The following ARID2 variants were observed in gnomAD, a reference collection of about 807,000 sequenced individuals.
ARID2 encodes the protein AT-rich interaction domain 2.
A neutral mutation model predicts 184.6 loss-of-function variants in ARID2; 32 were observed. The observed-to-expected ratio is 0.17, with a 90% CI of 0.13 to 0.23. ARID2 has a LOEUF of 0.23. ARID2 is among the 10% of genes least tolerant of loss of function. The probability of loss-of-function intolerance (pLI) is 1.00; values close to 1 mark genes in which losing one functional copy is unlikely to be tolerated. For synonymous variants in ARID2, 836 were observed against 772.6 expected (o/e 1.08, Z -1.36); for missense variants, 1,696 against 2,197.6 (o/e 0.77, Z 4.56).
At chr12:45,829,195 A>T (rs998855958) in intron 6 of ARID2, among the ~76,000 whole-genome samples, 8 of 152,022 alleles carry the variant, frequency 5.3e-5, no homozygotes, top group African/African-American at 1.9e-4. Flanking sequence ...TAAATCCACC[A>T]ATCATATATG....
chr12:45,807,489 G>T (rs1274273888), intron 3 of ARID2, among the ~76,000 whole-genome samples: 2 of 152,142 alleles, frequency 1.3e-5, no homozygotes, highest in Non-Finnish European at 1.5e-5. Flanking sequence ...TGGTTGTCAA[G>T]ATGGGTAACT....
chr12:45,801,509 C>G (rs1942501590), intron 3 of ARID2, among the ~76,000 whole-genome samples: 1 of 152,014 alleles, frequency 6.6e-6, no homozygotes, highest in African/African-American at 2.4e-5. Context: ...GCAATCCCAA[C>G]CTTAACAACA....
At chr12:45,808,757 GTGTA>G (rs1246439338) in intron 3 of ARID2, among the ~76,000 whole-genome samples, 6 of 150,314 alleles carry the variant, frequency 4.0e-5, no homozygotes, top group South Asian at 4.8e-4. Flanking sequence ...GTGTGTGTGT[GTGTA>G]TGTGTGTGTG....
At chr12:45,774,808 G>A (rs1269510970) in intron 3 of ARID2, among the ~76,000 whole-genome samples, 1 of 152,106 alleles carries the variant, frequency 6.6e-6, no homozygotes. Flanking sequence ...GAGGCATTGT[G>A]GCCAGATAAT....
At chr12:45,860,658 A>T in intron 15 of ARID2, 143 bp from the exon 16 acceptor site, 2 of 654,532 alleles carry the variant, frequency 3.1e-6, no homozygotes, top group Non-Finnish European at 4.3e-6. Flanking sequence ...AAGATTTTAA[A>T]GGTAATCATA....
intron 3 of ARID2, among the ~76,000 whole-genome samples, chr12:45,770,146 G>A (rs1354021685): frequency 1.3e-5 from 2 of 151,940 alleles, no homozygotes; most frequent in Non-Finnish European, 2.9e-5. Context: ...CCAGCTACCC[G>A]GGAGGCTGAG....
intron 3 of ARID2, among the ~76,000 whole-genome samples, chr12:45,776,772 A>C (rs1941989549): frequency 7.1e-6 from 1 of 140,780 alleles, no homozygotes; most frequent in South Asian, 2.3e-4. Context: ...CAACATAGTG[A>C]GATTCCGGCT....
intron 16 of ARID2, among the ~76,000 whole-genome samples, chr12:45,887,425 T>G (rs1944211890): frequency 6.6e-6 from 1 of 152,170 alleles, no homozygotes; most frequent in Non-Finnish European, 1.5e-5. Flanking sequence ...TCGCTTCTAG[T>G]TAGAATAACA....
At position 45,852,383 on chromosome 12, in the gene ARID2, A is replaced by G. The variant is rs1367823071; in HGVS notation, c.4260A>G (p.Val1420=). 3 of 1,614,064 alleles carry G rather than the reference A, an allele frequency of 1.9e-6. No homozygotes were observed. The highest frequency in any genetic ancestry group is 2.5e-6 in the Non-Finnish European group (3 of 1,180,028). Residue 1420 remains valine (V), a synonymous_variant, in exon 15 of 21, where the codon GTA becomes GTG. Coordinates refer to ENST00000334344, the MANE Select transcript of ARID2 (RefSeq NM_152641.4). ...TAGAAAGAATTTCTAATGGACCTGT[A>G]TTAACTTTGGGTGGTTCATCTGTGA... ...DQLERISNGP[V]LTLGGSSVSS...
In ARID2 at chr12:45,850,379, A is replaced by G. The variant is rs1164094512; in HGVS notation, c.2256A>G (p.Gln752=). 2.5e-6 allele frequency: 4 copies of G among 1,614,100 alleles called. No homozygotes were observed. Among genetic ancestry groups the G allele is most frequent in the South Asian group, 1.1e-5 (1 of 91,086 alleles). ...TTCAGAATCATAGTACAGGGCCACAACCTGTTACAGTTGTGAATTCTCAGA... is the reference window on the plus strand; with the variant it reads ...TTCAGAATCATAGTACAGGGCCACAGCCTGTTACAGTTGTGAATTCTCAGA... ...SVVQNHSTGP[Q]PVTVVNSQTL... is the part of the protein sequence containing the mutation. Residue 752 remains glutamine, a synonymous_variant, in exon 15 of 21, where the codon CAA becomes CAG. Transcript: ENST00000334344.
At chr12:45,899,671 T>TTATATA (rs375466100) in intron 20 of ARID2, among the ~76,000 whole-genome samples, 12,025 of 44,652 alleles carry the variant, frequency 0.27, 1,437 homozygotes, top group Non-Finnish European at 0.38. Context: ...ATATATATGG[T>TTATATA]TATATATGGT....
chr12:45,874,986 G>T (rs932894551), intron 16 of ARID2, among the ~76,000 whole-genome samples: 1 of 152,162 alleles, frequency 6.6e-6, no homozygotes, highest in Non-Finnish European at 1.5e-5. Flanking sequence ...AGGTGGTGAT[G>T]GTGGCCCTTG....
At position 45,837,429 on chromosome 12, in the gene ARID2, CT is replaced by C; in HGVS notation, c.1120+13del. On this transcript the variant is annotated intron_variant, in intron 9 of 20. Coordinates refer to ENST00000334344, the MANE Select transcript of ARID2 (RefSeq NM_152641.4). ...TTTAAAGATGAGAGGTGAGTTTTCA[CT>C]GAAGTATTTACTTTCTAAAGTAAAC... 6.2e-7 allele frequency: 1 copy of C among 1,610,168 alleles called. No individual in the cohort carries two copies. Among genetic ancestry groups the C allele is most frequent in the Non-Finnish European group, 8.5e-7 (1 of 1,177,550 alleles).
Position 45,839,375 on chromosome 12 carries a change from T to C in ARID2, c.1377T>C (p.Pro459=), listed in dbSNP as rs2138136794. The change falls in exon 11 of 21, where the codon CCT becomes CCC. Residue 459 remains proline, a synonymous_variant. Transcript: ENST00000334344. Reference sequence around the variant, plus strand: ...CTATGGATATTCAGATGTTTGGCCCTGATGCACTAGCTGCGGTAAAACTCA... The same window carrying C: ...CTATGGATATTCAGATGTTTGGCCCCGATGCACTAGCTGCGGTAAAACTCA... ...LVSMDIQMFG[P]DALAAVKLIE... 1 of 1,613,932 alleles carries C rather than the reference T, an allele frequency of 6.2e-7. No individual in the cohort carries two copies. The highest frequency in any genetic ancestry group is 8.5e-7 in the Non-Finnish European group (1 of 1,179,952).
At chr12:45,753,760 ATTTTTGTAT>A (rs1317007052) in intron 3 of ARID2, among the ~76,000 whole-genome samples, 1 of 151,998 alleles carries the variant, frequency 6.6e-6, no homozygotes, top group Non-Finnish European at 1.5e-5. Context: ...TGCCTGGCTA[ATTTTTGTAT>A]TTTTTGTAGA....
intron 3 of ARID2, among the ~76,000 whole-genome samples, chr12:45,758,229 G>A (rs1182646965): frequency 6.6e-6 from 1 of 152,130 alleles, no homozygotes; most frequent in Non-Finnish European, 1.5e-5. Context: ...ATTTCATTAA[G>A]TAAGGGTAGA....
intron 20 of ARID2, among the ~76,000 whole-genome samples, chr12:45,897,067 G>A (rs1373266532): frequency 6.6e-6 from 1 of 152,146 alleles, no homozygotes; most frequent in Non-Finnish European, 1.5e-5. Context: ...GCGTGGTACT[G>A]GCATAAAGAC....
At chr12:45,796,283 TTA>T (rs1942392071) in intron 3 of ARID2, among the ~76,000 whole-genome samples, 2 of 152,092 alleles carry the variant, frequency 1.3e-5, no homozygotes, top group African/African-American at 4.8e-5. Context: ...TAAAATATTT[TTA>T]CATGTTATTA....
intron 4 of ARID2, 69 bp from the exon 5 acceptor site, chr12:45,817,601 A>C: frequency 1.3e-6 from 1 of 792,114 alleles, no homozygotes; most frequent in Non-Finnish European, 1.9e-6. Context: ...TGTGTTCTGT[A>C]TTCAAGGGAT....
Sources: allele counts gnomAD v4.1 joint callset (sites outside exome capture counted in the v4.1 genomes callset), GRCh38; gene constraint gnomAD v4.1.1; transcripts MANE v1.5; gene names NCBI Gene and HGNC (gene_info 2026-07-23, HGNC 2026-07-21).